MAP2K6: variants seen among roughly 807,000 people sequenced by gnomAD.
MAP2K6 encodes dual specificity mitogen-activated protein kinase kinase 6.
In MAP2K6, 16 loss-of-function variants were observed where a neutral mutation model predicts 53.7. That is an observed-to-expected ratio of 0.30 (90% CI 0.20 to 0.45). The LOEUF (loss-of-function observed/expected upper bound fraction) is 0.45. Ranked by LOEUF, MAP2K6 falls within the 20% of genes least tolerant of loss-of-function variation. The probability of loss-of-function intolerance (pLI) is 1.00; values close to 1 mark genes in which losing one functional copy is unlikely to be tolerated. For missense variants in MAP2K6, 204 were observed against 411.9 expected (o/e 0.50, Z 4.37); for synonymous variants, 132 against 143.1 (o/e 0.92, Z 0.55).
chr17:69,461,403 C>T (rs796438446), intron 1 of MAP2K6, among the ~76,000 whole-genome samples: 75 of 152,308 alleles, frequency 4.9e-4, no homozygotes, highest in African/African-American at 1.8e-3. Flanking sequence ...CTGTCTTCAT[C>T]CTTTTCTCCT....
intron 1 of MAP2K6, among the ~76,000 whole-genome samples, chr17:69,464,778 T>G (rs1291341804): frequency 2.0e-5 from 3 of 152,094 alleles, no homozygotes; most frequent in African/African-American, 7.2e-5. Flanking sequence ...TGCAGTGGTG[T>G]GATCTCAGCT....
At chr17:69,507,251 C>T (rs1909549688) in intron 2 of MAP2K6, among the ~76,000 whole-genome samples, 1 of 152,152 alleles carries the variant, frequency 6.6e-6, no homozygotes, top group Non-Finnish European at 1.5e-5. Context: ...TCTTACACAA[C>T]TATAATACAT....
chr17:69,523,516 G>A lies in MAP2K6; in HGVS notation c.538G>A (p.Val180Ile). 1 of 1,613,698 alleles carries A rather than the reference G, an allele frequency of 6.2e-7. No individual in the cohort carries two copies. The highest frequency in any genetic ancestry group is 8.5e-7 in the Non-Finnish European group (1 of 1,179,680). The change falls in exon 8 of 12, where the codon GTC (valine) becomes ATC (isoleucine). Residue 180 changes from valine to isoleucine, a missense_variant and splice_region_variant. This residue lies in a region of MAP2K6 where 129 missense variants were observed against 247.1 expected (regional missense o/e 0.52). Transcript: ENST00000590474. The part of the protein sequence containing the change: ...HSKLSVIHRD[V>I]KPSNVLINAL... The stretch of plus-strand genomic sequence containing the variant: ...ATCCTGGTTGTTTTCGCTTTCAGAC[G>A]TCAAGCCTTCTAATGTACTCATCAA...
At chr17:69,498,548 T>A (rs1272615296) in intron 1 of MAP2K6, among the ~76,000 whole-genome samples, 1 of 151,918 alleles carries the variant, frequency 6.6e-6, no homozygotes, top group Non-Finnish European at 1.5e-5. Flanking sequence ...CAAGTGTGGC[T>A]TCAGTGACAC....
intron 7 of MAP2K6, among the ~76,000 whole-genome samples, chr17:69,522,091 G>A (rs1910515029): frequency 6.6e-6 from 1 of 152,134 alleles, no homozygotes; most frequent in African/African-American, 2.4e-5. Context: ...GGAAACTTCT[G>A]GGAAGAGATA....
In MAP2K6 at chr17:69,548,271, T is replaced by G. The variant is rs1911953316; in HGVS notation, c.*6518T>G. The G allele has an allele frequency of 6.6e-6, 1 of 152,156 alleles. No individual in the cohort carries two copies. The highest frequency in any genetic ancestry group is 6.5e-5 in the Admixed American group (1 of 15,272). 9.4% of individuals were successfully genotyped at this position (152,156 alleles called of 1,614,324 possible). On this transcript the variant is annotated 3_prime_UTR_variant, in exon 12 of 12. Transcript: ENST00000590474. ...TGTGATTTTCTTGGGTTGCTGGCCC[T>G]AGTTGAATTTATGGGCCCTGAAGCC...
chr17:69,448,421 G>A (rs528554223), intron 1 of MAP2K6, among the ~76,000 whole-genome samples: 4 of 152,110 alleles, frequency 2.6e-5, no homozygotes, highest in Non-Finnish European at 4.4e-5. Flanking sequence ...TGCATGGAGA[G>A]TCCGTTAAGG....
chr17:69,455,633 A>C (rs974507315), intron 1 of MAP2K6, among the ~76,000 whole-genome samples: 3 of 152,088 alleles, frequency 2.0e-5, no homozygotes, highest in Admixed American at 2.0e-4. Context: ...GGGATTAGCA[A>C]ACTTTTTCTA....
intron 1 of MAP2K6, among the ~76,000 whole-genome samples, chr17:69,483,141 A>G (rs1395685151): frequency 1.3e-5 from 2 of 151,812 alleles, no homozygotes; most frequent in African/African-American, 4.8e-5. Flanking sequence ...CTGGAAAAGA[A>G]GAAGTAAGAT....
chr17:69,517,364 G>A, intron 3 of MAP2K6, 136 bp from the exon 4 acceptor site: 1 of 488,514 alleles, frequency 2.0e-6, no homozygotes. Context: ...TTCAGAGGCT[G>A]CTTTGACATG....
chr17:69,496,353 C>A (rs1364498581), intron 1 of MAP2K6, among the ~76,000 whole-genome samples: 1 of 150,566 alleles, frequency 6.6e-6, no homozygotes, highest in African/African-American at 2.4e-5. Context: ...CTCACTGCAA[C>A]CTCTGCCTCC....
At chr17:69,476,745 C>T (rs1908163496) in intron 1 of MAP2K6, among the ~76,000 whole-genome samples, 2 of 152,176 alleles carry the variant, frequency 1.3e-5, no homozygotes, top group African/African-American at 4.8e-5. Context: ...TATGATCAGC[C>T]TTTCCCCAAG....
Position 69,529,612 on chromosome 17 carries a change from G to A in MAP2K6, c.881+2903G>A, listed in dbSNP as rs543551997. 7.7e-4 allele frequency among the ~76,000 whole-genome samples: 113 copies of A among 146,908 alleles called. 1 individual carries two copies. The highest frequency in any genetic ancestry group is 4.0e-3 in the Admixed American group (57 of 14,156). ...TGCAAGCTCCGCCTCCTGGGTTCACGCCATTCTCCTGCCTCAGCCTCCTGA... is the reference window on the plus strand; with the variant it reads ...TGCAAGCTCCGCCTCCTGGGTTCACACCATTCTCCTGCCTCAGCCTCCTGA... On this transcript the variant is annotated intron_variant, in intron 10 of 11. Coordinates refer to ENST00000590474, the MANE Select transcript of MAP2K6 (RefSeq NM_002758.4).
chr17:69,493,756 A>G (rs979109683), intron 1 of MAP2K6, among the ~76,000 whole-genome samples: 2 of 134,442 alleles, frequency 1.5e-5, no homozygotes, highest in Non-Finnish European at 1.6e-5. Flanking sequence ...GTGAAACTCC[A>G]TCTCAAGAAA....
At chr17:69,420,168 A>G (rs1906031744) in intron 1 of MAP2K6, among the ~76,000 whole-genome samples, 1 of 152,212 alleles carries the variant, frequency 6.6e-6, no homozygotes, top group Non-Finnish European at 1.5e-5. Context: ...AGAAAAATGT[A>G]GTGATCTGAT....
intron 1 of MAP2K6, among the ~76,000 whole-genome samples, chr17:69,431,226 G>A (rs1159903042): frequency 6.6e-6 from 1 of 152,082 alleles, no homozygotes; most frequent in Non-Finnish European, 1.5e-5. Flanking sequence ...TTTGAATCTA[G>A]TTTATTTAAA....
chr17:69,420,737 AT>A (rs572033743), intron 1 of MAP2K6, among the ~76,000 whole-genome samples: 1 of 151,628 alleles, frequency 6.6e-6, no homozygotes. Flanking sequence ...CATTTATAAA[AT>A]TTTTTTTTCT....
chr17:69,517,552 G>T lies in MAP2K6; in HGVS notation c.185G>T (p.Gly62Val). The change falls in exon 4 of 12, where the codon GGT becomes GTT. Residue 62 changes from glycine (G) to valine (V), a missense_variant. Gly to Val is a moderately radical substitution (Grantham distance 109, BLOSUM62 -3). Transcript: ENST00000590474. ...DLEPIMELGRGAYGVVEKMRH... is the reference protein window; with the variant it reads ...DLEPIMELGRVAYGVVEKMRH... Reference sequence around the variant, plus strand: ...GAGCCTATAATGGAACTGGGACGAGGTGCGTACGGGGTGGTGGAGAAGATG... The same window carrying T: ...GAGCCTATAATGGAACTGGGACGAGTTGCGTACGGGGTGGTGGAGAAGATG... The T allele has an allele frequency of 6.2e-7, 1 of 1,611,684 alleles. No individual in the cohort carries two copies. Among genetic ancestry groups the T allele is most frequent in the South Asian group, 1.1e-5 (1 of 90,798 alleles).
At chr17:69,418,283 G>T (rs1196783118) in intron 1 of MAP2K6, among the ~76,000 whole-genome samples, 1 of 152,094 alleles carries the variant, frequency 6.6e-6, no homozygotes, top group East Asian at 1.9e-4. Context: ...GGGCTTCAGG[G>T]GTCTCTGGTT....
Sources: gnomAD v4.1 joint callset for allele counts (sites outside exome capture counted in the v4.1 genomes callset) on GRCh38, gnomAD v4.1.1 for gene constraint, gnomAD v4.1.1 regional missense constraint, MANE v1.5 for transcripts, NCBI Gene and HGNC (gene_info 2026-07-23, HGNC 2026-07-21) for gene names.